KSR2: variants seen among roughly 807,000 people sequenced by gnomAD.
The protein encoded by KSR2 is kinase suppressor of ras 2.
KSR2 carries 25 observed loss-of-function variants against 107.8 expected under a neutral mutation model. The observed-to-expected ratio is 0.23, with a 90% confidence interval of 0.17 to 0.32. KSR2 has a LOEUF of 0.32. Among genes scored for constraint, KSR2 ranks in the 10% least tolerant of loss-of-function variants. The pLI is 1.00. For synonymous variants in KSR2, 480 were observed against 507.0 expected, an observed-to-expected ratio of 0.95 and a Z score of 0.71; for missense variants, 887 against 1,268.9, an observed-to-expected ratio of 0.70 and a Z score of 4.57.
intron 4 of KSR2, among the ~76,000 whole-genome samples, chr12:117,749,468 G>A (rs565212423): frequency 1.4e-5 from 2 of 137,956 alleles, no homozygotes; most frequent in East Asian, 2.4e-4. Context: ...CAAAGAACTC[G>A]ATATACCATA....
chr12:117,869,455 C>A (rs1394378475), intron 1 of KSR2, among the ~76,000 whole-genome samples: 1 of 152,192 alleles, frequency 6.6e-6, no homozygotes, highest in African/African-American at 2.4e-5. Context: ...AGATCCCCAT[C>A]CCTGGAGGTA....
chr12:117,642,283 C>T (rs556082650), intron 5 of KSR2, among the ~76,000 whole-genome samples: 4 of 152,292 alleles, frequency 2.6e-5, no homozygotes, highest in South Asian at 2.1e-4. Context: ...TCAATTCATC[C>T]GTTTCCTCGT....
intron 3 of KSR2, among the ~76,000 whole-genome samples, chr12:117,829,657 A>G (rs941017074): frequency 7.9e-5 from 12 of 152,214 alleles, no homozygotes; most frequent in African/African-American, 2.9e-4. Flanking sequence ...CATTTTCTAT[A>G]AAGGACTGGA....
At chr12:117,670,558 G>A (rs372869081) in intron 4 of KSR2, among the ~76,000 whole-genome samples, 6 of 152,124 alleles carry the variant, frequency 3.9e-5, no homozygotes, top group African/African-American at 7.2e-5. Context: ...TGAGAAGTTC[G>A]ATTTGGGACA....
chr12:117,524,260 T>G (rs760193940), intron 14 of KSR2, among the ~76,000 whole-genome samples: 1 of 152,214 alleles, frequency 6.6e-6, no homozygotes, highest in Non-Finnish European at 1.5e-5. Flanking sequence ...AGAAAGTGAC[T>G]CTTGGAGAAG....
At chr12:117,943,458 C>T (rs1232487077) in intron 1 of KSR2, among the ~76,000 whole-genome samples, 1 of 119,110 alleles carries the variant, frequency 8.4e-6, no homozygotes, top group Non-Finnish European at 1.6e-5. Flanking sequence ...CATTAGTTTG[C>T]TGTAGAGAAC....
intron 4 of KSR2, among the ~76,000 whole-genome samples, chr12:117,757,238 C>T (rs987595532): frequency 6.6e-6 from 1 of 151,976 alleles, no homozygotes; most frequent in African/African-American, 2.4e-5. Context: ...ACTGCAGATG[C>T]GGTGGAAACA....
intron 7 of KSR2, among the ~76,000 whole-genome samples, chr12:117,564,468 A>T (rs1159198180): frequency 1.9e-5 from 2 of 106,954 alleles, no homozygotes; most frequent in African/African-American, 2.8e-5. Flanking sequence ...ACACAGAAAA[A>T]GCCTGCAAAC....
At chr12:117,937,368 C>T (rs751704424) in intron 1 of KSR2, among the ~76,000 whole-genome samples, 24 of 152,064 alleles carry the variant, frequency 1.6e-4, no homozygotes, top group Admixed American at 8.5e-4. Flanking sequence ...CTCCCTCCAC[C>T]CTACCCTTCT....
Position 117,520,624 on chromosome 12 carries a change from C to A in KSR2, c.2219+4228G>T, listed in dbSNP as rs532470533. On this transcript the variant is annotated intron_variant, in intron 14 of 19. Coordinates refer to ENST00000339824, the MANE Select transcript of KSR2 (RefSeq NM_173598.6). ...TTAGGGCAGATAAGCAGATCATTTC[C>A]TTAAACTGTCGTTGCCTTTGCACTA... Among the ~76,000 whole-genome samples, 50 of 152,352 alleles carry A rather than the reference C, an allele frequency of 3.3e-4. 2 individuals carry two copies. The South Asian group carries it at 0.01, about 31-fold the overall frequency.
intron 12 of KSR2, among the ~76,000 whole-genome samples, chr12:117,527,593 G>T (rs1293285532): frequency 6.6e-6 from 1 of 152,176 alleles, no homozygotes; most frequent in Non-Finnish European, 1.5e-5. Context: ...CAGTGTTCTT[G>T]TTTGTCTGTT....
intron 1 of KSR2, among the ~76,000 whole-genome samples, chr12:117,941,614 T>A (rs1439704726): frequency 6.7e-5 from 1 of 14,996 alleles, no homozygotes. Flanking sequence ...CAGGCTTTCC[T>A]TTTTTTTTTT....
intron 4 of KSR2, among the ~76,000 whole-genome samples, chr12:117,732,613 A>G (rs570167133): frequency 6.6e-5 from 10 of 152,260 alleles, no homozygotes; most frequent in Non-Finnish European, 1.3e-4. Context: ...AGCAGCACTT[A>G]GAAAGTGACC....
chr12:117,803,429 G>A (rs140849100), intron 3 of KSR2, among the ~76,000 whole-genome samples: 2 of 152,328 alleles, frequency 1.3e-5, no homozygotes, highest in Admixed American at 1.3e-4. Context: ...TTGGCCAGGC[G>A]CAGTGGCTCA....
intron 7 of KSR2, among the ~76,000 whole-genome samples, chr12:117,575,244 G>A (rs1219829505): frequency 6.6e-6 from 1 of 152,184 alleles, no homozygotes; most frequent in Non-Finnish European, 1.5e-5. Flanking sequence ...AGTTGTGCAT[G>A]GTGTATATAT....
intron 14 of KSR2, among the ~76,000 whole-genome samples, chr12:117,494,404 ACT>A (rs1872913023): frequency 6.6e-6 from 1 of 152,224 alleles, no homozygotes; most frequent in Admixed American, 6.5e-5. Context: ...GGTGGCTGGC[ACT>A]ACCCCAACCA....
At chr12:117,543,171 T>C (rs1876627011) in intron 9 of KSR2, among the ~76,000 whole-genome samples, 1 of 152,238 alleles carries the variant, frequency 6.6e-6, no homozygotes, top group African/African-American at 2.4e-5. Flanking sequence ...AATATAGTAA[T>C]AACATGTTTA....
At chr12:117,788,240 A>C (rs1322180779) in intron 3 of KSR2, among the ~76,000 whole-genome samples, 1 of 152,232 alleles carries the variant, frequency 6.6e-6, no homozygotes, top group East Asian at 1.9e-4. Flanking sequence ...ATGACTTCAT[A>C]AGGTCAGCAA....
chr12:117,819,036 G>T (rs1457355555), intron 3 of KSR2, among the ~76,000 whole-genome samples: 2 of 152,040 alleles, frequency 1.3e-5, no homozygotes, highest in African/African-American at 2.4e-5. Context: ...TCACCCTGGG[G>T]TTCAGTCATG....
Sources: allele counts gnomAD v4.1 joint callset (sites outside exome capture counted in the v4.1 genomes callset), GRCh38; gene constraint gnomAD v4.1.1; transcripts MANE v1.5; gene names NCBI Gene and HGNC (gene_info 2026-07-23, HGNC 2026-07-21).